Variants in NAALADL2 observed in about 807,000 individuals in gnomAD.
NAALADL2 encodes inactive N-acetylated-alpha-linked acidic dipeptidase-like protein 2.
A neutral mutation model predicts 87.2 loss-of-function variants in NAALADL2; 76 were observed. That is an observed-to-expected ratio of 0.87 (90% confidence interval 0.72 to 1.05). The LOEUF is 1.05. Among genes scored for constraint, NAALADL2 ranks in the 50% least tolerant of loss-of-function variants. The probability of loss-of-function intolerance (pLI) is 0.00; values close to 1 mark genes in which losing one functional copy is unlikely to be tolerated. For synonymous variants in NAALADL2, 354 were observed against 331.0 expected (o/e 1.07, Z -0.75); for missense variants, 1,089 against 945.8 (o/e 1.15, Z -1.99).
At chr3:175,045,941 C>T (rs139027501) in intron 1 of NAALADL2, among the ~76,000 whole-genome samples, 1 of 151,944 alleles carries the variant, frequency 6.6e-6, no homozygotes, top group East Asian at 1.9e-4. Context: ...AAGTGCCTTG[C>T]TTCATAAGAC....
intron 2 of NAALADL2, among the ~76,000 whole-genome samples, chr3:174,627,541 T>TA (rs1051840702): frequency 1.6e-4 from 24 of 152,162 alleles, no homozygotes; most frequent in Admixed American, 1.4e-3. Flanking sequence ...TTCAAAGAAC[T>TA]AAAAATAGAA....
At chr3:174,501,235 C>T (rs1181067115) in intron 1 of NAALADL2, among the ~76,000 whole-genome samples, 4 of 148,888 alleles carry the variant, frequency 2.7e-5, no homozygotes, top group Admixed American at 2.0e-4. Flanking sequence ...CCCGCCACTA[C>T]GCCCGGCTAA....
chr3:175,039,717 T>G (rs936402016), intron 1 of NAALADL2, among the ~76,000 whole-genome samples: 1 of 152,178 alleles, frequency 6.6e-6, no homozygotes, highest in Non-Finnish European at 1.5e-5. Flanking sequence ...GTGCTCTTAG[T>G]GTAGGAAATT....
intron 2 of NAALADL2, among the ~76,000 whole-genome samples, chr3:174,604,776 T>C (rs2108619103): frequency 7.0e-6 from 1 of 142,066 alleles, no homozygotes; most frequent in Middle Eastern, 3.6e-3. Context: ...CTTTCTTTTC[T>C]TTTTTTTTTT....
intron 9 of NAALADL2, among the ~76,000 whole-genome samples, chr3:175,494,332 G>T (rs902867385): frequency 3.3e-5 from 5 of 152,032 alleles, no homozygotes; most frequent in Non-Finnish European, 5.9e-5. Flanking sequence ...CATGCATACA[G>T]AAGCATTTCT....
At chr3:174,668,962 A>G (rs1578485983) in intron 2 of NAALADL2, among the ~76,000 whole-genome samples, 1 of 152,264 alleles carries the variant, frequency 6.6e-6, no homozygotes, top group African/African-American at 2.4e-5. Flanking sequence ...GTCAAATGGT[A>G]TTTCTAGTTC....
chr3:175,352,027 T>C (rs532224920), intron 5 of NAALADL2, among the ~76,000 whole-genome samples: 1 of 152,230 alleles, frequency 6.6e-6, no homozygotes, highest in East Asian at 1.9e-4. Context: ...GATTTGGATG[T>C]TGATGCTCAC....
intron 1 of NAALADL2, among the ~76,000 whole-genome samples, chr3:175,047,764 A>G (rs550710817): frequency 2.0e-5 from 3 of 152,324 alleles, no homozygotes; most frequent in African/African-American, 7.2e-5. Context: ...TATTATTAAA[A>G]CATACATGAA....
chr3:174,906,954 TTTATA>T (rs1426921718), intron 1 of NAALADL2, among the ~76,000 whole-genome samples: 1 of 152,080 alleles, frequency 6.6e-6, no homozygotes. Context: ...ACAGGTGAGT[TTTATA>T]TTAAATTACT....
At chr3:175,091,648 C>T (rs1176436391) in intron 1 of NAALADL2, among the ~76,000 whole-genome samples, 1 of 151,922 alleles carries the variant, frequency 6.6e-6, no homozygotes, top group Non-Finnish European at 1.5e-5. Flanking sequence ...TGGTGTTCTA[C>T]AACAAACATT....
intron 4 of NAALADL2, among the ~76,000 whole-genome samples, chr3:175,308,680 G>A (rs1757990562): frequency 6.6e-6 from 1 of 152,106 alleles, no homozygotes; most frequent in Admixed American, 6.6e-5. Flanking sequence ...CACCCCAGAT[G>A]GAATAGGGAT....
intron 9 of NAALADL2, among the ~76,000 whole-genome samples, chr3:175,538,564 T>C (rs985834149): frequency 2.0e-5 from 3 of 152,158 alleles, no homozygotes; most frequent in African/African-American, 7.2e-5. Flanking sequence ...TCTATCCTAA[T>C]ATTGAATTAT....
chr3:175,074,193 T>A (rs901468215), intron 1 of NAALADL2, among the ~76,000 whole-genome samples: 1 of 152,108 alleles, frequency 6.6e-6, no homozygotes, highest in Non-Finnish European at 1.5e-5. Context: ...AAGAACAAGA[T>A]GAAGCAGGTA....
chr3:174,683,452 A>C (rs970872356), intron 2 of NAALADL2, among the ~76,000 whole-genome samples: 10 of 152,174 alleles, frequency 6.6e-5, no homozygotes, highest in Non-Finnish European at 1.5e-4. Context: ...TTTATTTAAA[A>C]ACTGTATATA....
chr3:174,924,941 T>C (rs908697977), intron 1 of NAALADL2, among the ~76,000 whole-genome samples: 42 of 152,196 alleles, frequency 2.8e-4, no homozygotes, highest in Non-Finnish European at 1.0e-4. Context: ...TGTAAATTTG[T>C]TTAAGTTCTT....
intron 2 of NAALADL2, among the ~76,000 whole-genome samples, chr3:174,727,412 C>T (rs1319848703): frequency 6.6e-6 from 1 of 151,734 alleles, no homozygotes; most frequent in Non-Finnish European, 1.5e-5. Flanking sequence ...CTAATTCTGT[C>T]CCAAGTCTTG....
At chr3:175,729,343 T>A (rs1480547936) in intron 11 of NAALADL2, among the ~76,000 whole-genome samples, 3 of 152,132 alleles carry the variant, frequency 2.0e-5, no homozygotes, top group Non-Finnish European at 4.4e-5. Context: ...TTTGTCATGG[T>A]GTCTTATAGC....
At position 175,755,323 on chromosome 3, in the gene NAALADL2, G is replaced by A; in HGVS notation, c.2094G>A (p.Lys698=). The A allele has an allele frequency of 6.2e-7, 1 of 1,613,592 alleles. No homozygotes were observed. Among genetic ancestry groups the A allele is most frequent in the Non-Finnish European group, 8.5e-7 (1 of 1,179,750 alleles). ...AGATGCGACCTGCTAATGATCCCAA[G>A]GAGAGAGCACCCATCCGCATCCGGA... ...SDEMRPANDP[K]ERAPIRIRML... Residue 698 remains lysine (K), a synonymous_variant, in exon 13 of 14, where the codon AAG becomes AAA. Coordinates refer to ENST00000454872, the MANE Select transcript of NAALADL2 (RefSeq NM_207015.3).
chr3:174,609,534 A>G (rs1341336018), intron 2 of NAALADL2, among the ~76,000 whole-genome samples: 4 of 152,160 alleles, frequency 2.6e-5, no homozygotes, highest in South Asian at 2.1e-4. Context: ...ACAAACAGAG[A>G]GCCAAATCGT....
Sources: gnomAD v4.1 joint callset for allele counts (sites outside exome capture counted in the v4.1 genomes callset) on GRCh38, gnomAD v4.1.1 for gene constraint, MANE v1.5 for transcripts, NCBI Gene and HGNC (gene_info 2026-07-23, HGNC 2026-07-21) for gene names.